Variants in GNG12 observed in about 807,000 individuals in gnomAD.
GNG12 encodes guanine nucleotide-binding protein G(I)/G(S)/G(O) subunit gamma-12.
For synonymous variants in GNG12, 28 were observed against 29.7 expected, an observed-to-expected ratio of 0.94 and a Z score of 0.19; for missense variants, 69 against 83.8, an observed-to-expected ratio of 0.82 and a Z score of 0.69.
At chr1:67,766,098 GCACACACGCACACACA>G (rs1224741744) in intron 2 of GNG12, among the ~76,000 whole-genome samples, 1 of 100,816 alleles carries the variant, frequency 9.9e-6, no homozygotes, top group Non-Finnish European at 2.0e-5. Context: ...ACAAAACAAG[GCACACACGCACACACA>G]CACACACACA....
chr1:67,706,391 G>C (rs759235808), intron 3 of GNG12, among the ~76,000 whole-genome samples: 1 of 152,214 alleles, frequency 6.6e-6, no homozygotes, highest in Non-Finnish European at 1.5e-5. Context: ...GCTTGCGGAA[G>C]TAAAAAGAGA....
intron 1 of GNG12, among the ~76,000 whole-genome samples, chr1:67,822,053 T>C (rs1370640351): frequency 7.0e-6 from 1 of 143,876 alleles, no homozygotes; most frequent in African/African-American, 2.6e-5. Context: ...ACACTAACGA[T>C]AGCTGATGAG....
chr1:67,745,204 G>T (rs1339911616), intron 2 of GNG12, among the ~76,000 whole-genome samples: 1 of 152,176 alleles, frequency 6.6e-6, no homozygotes, highest in Non-Finnish European at 1.5e-5. Context: ...CAGGGTAATA[G>T]ATGTGTCATC....
intron 2 of GNG12, among the ~76,000 whole-genome samples, chr1:67,754,655 G>C (rs1467503695): frequency 6.6e-6 from 1 of 152,108 alleles, no homozygotes; most frequent in Non-Finnish European, 1.5e-5. Flanking sequence ...CCCTTTTAAA[G>C]TTCTGTCCAC....
chr1:67,801,913 A>AAGGG, intron 1 of GNG12, among the ~76,000 whole-genome samples: 1 of 147,448 alleles, frequency 6.8e-6, no homozygotes, highest in African/African-American at 2.4e-5. Flanking sequence ...AGTGGAAGAA[A>AAGGG]AGGGAGGAAG....
intron 2 of GNG12, among the ~76,000 whole-genome samples, chr1:67,718,569 C>T (rs1318336866): frequency 6.6e-6 from 1 of 152,044 alleles, no homozygotes; most frequent in Non-Finnish European, 1.5e-5. Context: ...ATCTTAAATT[C>T]TCCACTTTGA....
At chr1:67,773,402 C>A (rs1400208579) in intron 2 of GNG12, among the ~76,000 whole-genome samples, 1 of 152,144 alleles carries the variant, frequency 6.6e-6, no homozygotes, top group Non-Finnish European at 1.5e-5. Flanking sequence ...GATATTTCCT[C>A]TTGTAATAAA....
rs1230963940 is a variant in GNG12 at position 67,703,378 on chromosome 1, G to A, written c.*2073C>T. ...TGCTACCAATAACATGCACATAATG[G>A]TATAATAAAAGTAATTTTTCATGAA... On this transcript the variant is annotated 3_prime_UTR_variant, in exon 4 of 4. Coordinates refer to ENST00000370982, the MANE Select transcript of GNG12 (RefSeq NM_018841.6). 1 of 152,002 alleles carries A rather than the reference G, an allele frequency of 6.6e-6. No individual in the cohort carries two copies. Among genetic ancestry groups the A allele is most frequent in the Non-Finnish European group, 1.5e-5 (1 of 68,010 alleles). The allele number at this position is 152,002 out of a possible 1,614,324, so 9.4% of individuals were successfully genotyped here.
chr1:67,833,343 C>T lies in GNG12; in HGVS notation c.-77+1G>A. 1 of 980,926 alleles carries T rather than the reference C, an allele frequency of 1.0e-6. No individual in the cohort carries two copies. Among genetic ancestry groups the T allele is most frequent in the Non-Finnish European group, 1.2e-6 (1 of 825,608 alleles). 60.8% of individuals were successfully genotyped at this position (980,926 alleles called of 1,614,324 possible). A position where few individuals can be genotyped will look rare whatever the true frequency, so the allele number is the denominator to read the frequency against. ...ACCCGCGCCCGCCGCTTGGTACTCA[C>T]CCGCCTGCCGGTGCGCTGCCCCGCC... is the stretch of plus-strand genomic sequence containing the variant. On this transcript the variant is annotated splice_donor_variant, in intron 1 of 3. Transcript: ENST00000370982. LOFTEE classifies it low-confidence loss of function (5UTR_SPLICE).
intron 2 of GNG12, among the ~76,000 whole-genome samples, chr1:67,775,738 C>T (rs1646701100): frequency 6.6e-6 from 1 of 152,106 alleles, no homozygotes; most frequent in Non-Finnish European, 1.5e-5. Flanking sequence ...AAGAGTGAGC[C>T]AAAGAAGGCA....
intron 1 of GNG12, among the ~76,000 whole-genome samples, chr1:67,785,172 C>T (rs1646760984): frequency 6.6e-6 from 1 of 152,166 alleles, no homozygotes. Flanking sequence ...AAAGCCTTTA[C>T]ACACAGCATC....
chr1:67,805,658 T>C (rs1191924077), intron 1 of GNG12, among the ~76,000 whole-genome samples: 6 of 152,146 alleles, frequency 3.9e-5, no homozygotes, highest in East Asian at 1.9e-4. Context: ...ATAAGGATTA[T>C]GGCATGTCTA....
chr1:67,751,977 A>G (rs1015132681), intron 2 of GNG12, among the ~76,000 whole-genome samples: 8 of 152,244 alleles, frequency 5.3e-5, no homozygotes, highest in African/African-American at 1.9e-4. Context: ...AAATATCAGT[A>G]TGGTCGTATT....
chr1:67,716,935 C>A (rs977876642), intron 2 of GNG12, among the ~76,000 whole-genome samples: 3 of 152,130 alleles, frequency 2.0e-5, no homozygotes, highest in Admixed American at 6.5e-5. Context: ...GGCAAGGATC[C>A]ATGAGAATGA....
At chr1:67,734,952 C>T (rs771203485) in intron 2 of GNG12, among the ~76,000 whole-genome samples, 1 of 152,192 alleles carries the variant, frequency 6.6e-6, no homozygotes, top group Non-Finnish European at 1.5e-5. Context: ...CTCCTGACTT[C>T]AAGCAATTCT....
At chr1:67,727,403 A>C (rs1268807672) in intron 2 of GNG12, among the ~76,000 whole-genome samples, 4 of 152,264 alleles carry the variant, frequency 2.6e-5, no homozygotes, top group Non-Finnish European at 5.9e-5. Context: ...AGTCAAAATA[A>C]ATGACATGTG....
intron 1 of GNG12, among the ~76,000 whole-genome samples, chr1:67,830,541 C>T (rs752510465): frequency 3.9e-5 from 6 of 152,274 alleles, no homozygotes; most frequent in Middle Eastern, 3.4e-3. Context: ...TTAAGAATTA[C>T]ACTTGGTTAA....
At chr1:67,744,998 T>C (rs1646500571) in intron 2 of GNG12, among the ~76,000 whole-genome samples, 2 of 152,208 alleles carry the variant, frequency 1.3e-5, no homozygotes, top group Non-Finnish European at 2.9e-5. Context: ...TCTCTGTACC[T>C]CTTTCTATAT....
intron 2 of GNG12, among the ~76,000 whole-genome samples, chr1:67,719,030 G>A (rs1255703163): frequency 6.6e-6 from 1 of 152,062 alleles, no homozygotes; most frequent in African/African-American, 2.4e-5. Flanking sequence ...TTAAATATGT[G>A]TCTTGTGTCA....
Sources: gnomAD v4.1 joint callset for allele counts (sites outside exome capture counted in the v4.1 genomes callset) on GRCh38, gnomAD v4.1.1 for gene constraint, MANE v1.5 for transcripts, NCBI Gene and HGNC (gene_info 2026-07-23, HGNC 2026-07-21) for gene names.